The following ARFGEF2 variants were observed in gnomAD, a reference collection of about 807,000 sequenced individuals.
The protein encoded by ARFGEF2 is ARF guanine nucleotide exchange factor 2.
ARFGEF2 carries 74 observed loss-of-function variants against 219.9 expected under a neutral mutation model. The ratio of observed to expected loss-of-function variants is 0.34; its 90% CI spans 0.28 to 0.41. The LOEUF (loss-of-function observed/expected upper bound fraction) is 0.41, where lower values mean the gene tolerates loss of function less well. ARFGEF2 is among the 10% of genes least tolerant of loss of function. The probability of loss-of-function intolerance (pLI) is 1.00; values close to 1 mark genes in which losing one functional copy is unlikely to be tolerated. For synonymous variants in ARFGEF2, 733 were observed against 799.2 expected, an observed-to-expected ratio of 0.92 and a Z score of 1.40; for missense variants, 1,743 against 2,218.3, an observed-to-expected ratio of 0.79 and a Z score of 4.30.
At chr20:48,998,995 C>T (rs1187174275) in intron 25 of ARFGEF2, among the ~76,000 whole-genome samples, 3 of 151,414 alleles carry the variant, frequency 2.0e-5, no homozygotes, top group Admixed American at 6.6e-5. Flanking sequence ...CCCAGCACTT[C>T]GAGAGGCCAA....
chr20:48,981,915 G>A (rs574388037), intron 14 of ARFGEF2, among the ~76,000 whole-genome samples: 1 of 152,124 alleles, frequency 6.6e-6, no homozygotes, highest in African/African-American at 2.4e-5. Context: ...GCTTCCTTGC[G>A]ATGGGTTCGA....
chr20:48,951,296 T>C, intron 3 of ARFGEF2, 27 bp from the exon 4 acceptor site: 1 of 1,613,408 alleles, frequency 6.2e-7, no homozygotes, highest in Non-Finnish European at 8.5e-7. Flanking sequence ...AGCAGAAATG[T>C]ATAATCTCTG....
chr20:49,017,500 C>G lies in ARFGEF2; in HGVS notation c.4459C>G (p.Leu1487Val). ...IFKTTIPHVL[L>V]TWRPVGMEED... The stretch of plus-strand genomic sequence containing the variant: ...TTTCTCTATTTTTTTCTTCAGTTTG[C>G]TGACATGGAGACCTGTAGGAATGGA... The change falls in exon 33 of 39, where the codon CTG becomes GTG. Residue 1487 changes from leucine to valine, a missense_variant. Physicochemically the swap from Leu to Val is conservative, Grantham distance 32. Transcript: ENST00000371917. 6.2e-7 allele frequency: 1 copy of G among 1,613,504 alleles called. No individual in the cohort carries two copies. Among genetic ancestry groups the G allele is most frequent in the Non-Finnish European group, 8.5e-7 (1 of 1,179,816 alleles).
At chr20:48,975,167 C>T (rs984593455) in intron 13 of ARFGEF2, among the ~76,000 whole-genome samples, 2 of 152,022 alleles carry the variant, frequency 1.3e-5, no homozygotes, top group African/African-American at 2.4e-5. Flanking sequence ...TTCCTATGTA[C>T]GTAAGTCTGT....
intron 1 of ARFGEF2, among the ~76,000 whole-genome samples, chr20:48,925,829 C>T (rs771023990): frequency 6.6e-6 from 1 of 151,912 alleles, no homozygotes; most frequent in Non-Finnish European, 1.5e-5. Flanking sequence ...AGGGTGAGAC[C>T]CTCACACAAA....
chr20:48,940,850 A>C (rs2090988888), intron 1 of ARFGEF2, among the ~76,000 whole-genome samples: 1 of 152,166 alleles, frequency 6.6e-6, no homozygotes, highest in African/African-American at 2.4e-5. Context: ...CCTAGAGTGC[A>C]CAGGGCAGCC....
chr20:48,929,562 A>G (rs2090900377), intron 1 of ARFGEF2, among the ~76,000 whole-genome samples: 1 of 151,774 alleles, frequency 6.6e-6, no homozygotes, highest in Non-Finnish European at 1.5e-5. Context: ...CATAATAACA[A>G]CCCGAGAAGT....
intron 20 of ARFGEF2, 54 bp downstream of exon 20, chr20:48,989,738 A>T (rs2091346824): frequency 6.2e-7 from 1 of 1,611,200 alleles, no homozygotes; most frequent in South Asian, 1.1e-5. Flanking sequence ...GCTCTTTTAG[A>T]TTTGGCAAAA....
At chr20:48,963,526 A>G (rs2091167879) in intron 6 of ARFGEF2, among the ~76,000 whole-genome samples, 1 of 152,114 alleles carries the variant, frequency 6.6e-6, no homozygotes, top group East Asian at 1.9e-4. Context: ...CCTGCCTCCA[A>G]GTTGGGGGTG....
chr20:49,007,266 A>G (rs1158095745), intron 26 of ARFGEF2, among the ~76,000 whole-genome samples: 1 of 150,666 alleles, frequency 6.6e-6, no homozygotes, highest in Non-Finnish European at 1.5e-5. Context: ...TCCCCTAAAA[A>G]GTGTACTTCA....
At chr20:48,994,428 T>G in intron 21 of ARFGEF2, 23 bp from the exon 22 acceptor site, 1 of 1,613,710 alleles carries the variant, frequency 6.2e-7, no homozygotes, top group Non-Finnish European at 8.5e-7. Flanking sequence ...GGAACTCATT[T>G]CTTCATGCCT....
chr20:48,974,649 A>G, intron 12 of ARFGEF2, 117 bp from the exon 13 acceptor site: 1 of 771,848 alleles, frequency 1.3e-6, no homozygotes, highest in Non-Finnish European at 2.2e-6. Flanking sequence ...CATTCTTAAT[A>G]GCACTGACTG....
chr20:48,940,055 TG>T (rs1253689924), intron 1 of ARFGEF2, among the ~76,000 whole-genome samples: 1 of 152,178 alleles, frequency 6.6e-6, no homozygotes, highest in East Asian at 1.9e-4. Context: ...TGAGTGGATG[TG>T]GGGTAATTCT....
chr20:48,962,190 A>G lies in ARFGEF2; in HGVS notation c.839-1640A>G, dbSNP rs561761732. On this transcript the variant is annotated intron_variant, in intron 6 of 38. Coordinates refer to ENST00000371917, the MANE Select transcript of ARFGEF2 (RefSeq NM_006420.3). ...AGTGAAACTCCGTCTCAAATAATAA[A>G]TAAAAAATAAATAAATAACAAACTA... Among the ~76,000 whole-genome samples the G allele has an allele frequency of 1.7e-4, 26 of 152,344 alleles. No individual in the cohort carries two copies. In the East Asian group the frequency reaches 4.0e-3, roughly 24 times the overall value.
intron 27 of ARFGEF2, 50 bp downstream of exon 27, chr20:49,010,454 A>G: frequency 2.5e-6 from 4 of 1,601,802 alleles, no homozygotes; most frequent in Non-Finnish European, 2.6e-6. Flanking sequence ...CAAGTCTAGA[A>G]GAGTGTCACT....
At chr20:49,031,897 C>T (rs139555234) in intron 37 of ARFGEF2, 152 bp from the exon 38 acceptor site, 20 of 689,176 alleles carry the variant, frequency 2.9e-5, no homozygotes, top group African/African-American at 2.4e-4. Flanking sequence ...CAGCCTGGGC[C>T]GCAGAGCAAG....
At chr20:48,936,246 G>A (rs1157410149) in intron 1 of ARFGEF2, among the ~76,000 whole-genome samples, 1 of 148,176 alleles carries the variant, frequency 6.7e-6, no homozygotes, top group African/African-American at 2.5e-5. Context: ...TGGCCGGGCG[G>A]GGGGCTGACC....
intron 11 of ARFGEF2, among the ~76,000 whole-genome samples, chr20:48,972,642 G>A (rs2091235571): frequency 6.6e-6 from 1 of 152,174 alleles, no homozygotes; most frequent in East Asian, 1.9e-4. Flanking sequence ...AAAGTCTCAT[G>A]TCCCAGAAAC....
At chr20:48,938,625 T>C (rs1000771121) in intron 1 of ARFGEF2, among the ~76,000 whole-genome samples, 1 of 152,264 alleles carries the variant, frequency 6.6e-6, no homozygotes, top group African/African-American at 2.4e-5. Flanking sequence ...TAATGTTAAC[T>C]GTAGTCATCC....
Sources: gnomAD v4.1 joint callset for allele counts (sites outside exome capture counted in the v4.1 genomes callset) on GRCh38, gnomAD v4.1.1 for gene constraint, MANE v1.5 for transcripts, NCBI Gene and HGNC (gene_info 2026-07-23, HGNC 2026-07-21) for gene names.